GNPDA2: variants seen among roughly 807,000 people sequenced by gnomAD.
GNPDA2 encodes the protein glcN6P deaminase 2.
Under a neutral mutation model 27.0 loss-of-function variants are expected in GNPDA2, and 24 were observed. The observed-to-expected ratio is 0.89, with a 90% CI of 0.64 to 1.25. The LOEUF is 1.25. GNPDA2 is among the 50% of genes most tolerant of loss of function. The pLI is 0.00. For synonymous variants in GNPDA2, 94 were observed against 108.4 expected, an observed-to-expected ratio of 0.87 and a Z score of 0.83; for missense variants, 286 against 335.1, an observed-to-expected ratio of 0.85 and a Z score of 1.14.
chr4:44,710,038 C>T (rs1466736860), intron 5 of GNPDA2, among the ~76,000 whole-genome samples: 1 of 152,248 alleles, frequency 6.6e-6, no homozygotes, highest in African/African-American at 2.4e-5. Flanking sequence ...TTAAAACTTA[C>T]ATCTTGTTAA....
intron 1 of GNPDA2, among the ~76,000 whole-genome samples, chr4:44,725,367 G>T (rs534550631): frequency 1.7e-4 from 26 of 152,286 alleles, no homozygotes; most frequent in African/African-American, 6.3e-4. Context: ...ATGTCTTACC[G>T]GTTGAGAATC....
In GNPDA2 at chr4:44,711,114, C is replaced by T. The variant is rs1161186413; in HGVS notation, c.433G>A (p.Ala145Thr). The T allele has an allele frequency of 6.2e-6, 10 of 1,601,924 alleles. No individual in the cohort carries two copies. Among genetic ancestry groups the T allele is most frequent in the African/African-American group, 2.7e-5 (2 of 74,172 alleles). ...VGGIGPDGHI[A>T]FNEPGSSLVS... is the part of the protein sequence containing the mutation. ...AAACTGGATCCAGGCTCATTGAAAGCGATATGACCATCTGGACCAATTCCT... is the reference window on the plus strand; with the variant it reads ...AAACTGGATCCAGGCTCATTGAAAGTGATATGACCATCTGGACCAATTCCT... Residue 145 changes from alanine (A) to threonine (T), a missense_variant, in exon 5 of 7, where the codon GCT (alanine) becomes ACT (threonine). Physicochemically the swap from Ala to Thr is moderately conservative, Grantham distance 58. Coordinates refer to ENST00000295448, the MANE Select transcript of GNPDA2 (RefSeq NM_138335.3).
chr4:44,711,220 AAT>A (rs200190134), intron 4 of GNPDA2, 83 bp from the exon 5 acceptor site: 2 of 731,710 alleles, frequency 2.7e-6, no homozygotes, highest in African/African-American at 3.7e-5. Flanking sequence ...ACAAAAAAAA[AAT>A]CACCTTGTTT....
chr4:44,702,428 AATAAG>A lies in GNPDA2; in HGVS notation c.*648_*652del, dbSNP rs1326750751. On this transcript the variant is annotated 3_prime_UTR_variant, in exon 7 of 7. Transcript: ENST00000295448. ...ACATGAACCCAAGTCGTTAAATAAA[AATAAG>A]ATATTTGTAAAAAAGTGCTATAGAA... is the stretch of plus-strand genomic sequence containing the variant. 1.8e-5 allele frequency: 18 copies of A among 977,034 alleles called. No homozygotes were observed. Among genetic ancestry groups the A allele is most frequent in the East Asian group, 2.3e-4 (2 of 8,760 alleles). 60.5% of individuals were successfully genotyped at this position (977,034 alleles called of 1,614,324 possible).
chr4:44,720,066 T>C (rs541897389), intron 2 of GNPDA2, among the ~76,000 whole-genome samples: 151 of 152,214 alleles, frequency 9.9e-4, no homozygotes, highest in African/African-American at 3.5e-3. Flanking sequence ...GAAAATGGCA[T>C]TTCAATTCAG....
chr4:44,720,013 A>G (rs1003411877), intron 2 of GNPDA2, among the ~76,000 whole-genome samples: 4 of 152,164 alleles, frequency 2.6e-5, no homozygotes, highest in African/African-American at 9.7e-5. Flanking sequence ...CAGAACATCA[A>G]ATAAAAAAGA....
At chr4:44,706,602 A>G (rs796190989) in intron 6 of GNPDA2, 14 of 151,986 alleles carry the variant, frequency 9.2e-5, no homozygotes, top group African/African-American at 2.9e-4. Context: ...TATATACTTT[A>G]TTTCTGAGTA....
At chr4:44,720,794 T>C (rs892219292) in intron 2 of GNPDA2, among the ~76,000 whole-genome samples, 14 of 152,148 alleles carry the variant, frequency 9.2e-5, no homozygotes, top group African/African-American at 3.1e-4. Context: ...CTAGCAGTTA[T>C]ACTACCCAAA....
rs950071877 is a variant in GNPDA2, at chr4:44,702,556, A to G, written c.*525T>C. On this transcript the variant is annotated 3_prime_UTR_variant, in exon 7 of 7. Coordinates refer to ENST00000295448, the MANE Select transcript of GNPDA2 (RefSeq NM_138335.3). ...TCTCTTCAAATTTCCTTTACCAATG[A>G]TATATAGCACAATTTTTGATGTCTA... is the stretch of plus-strand genomic sequence containing the variant. The G allele has an allele frequency of 5.9e-5, 58 of 987,056 alleles. No individual in the cohort carries two copies. Among genetic ancestry groups the G allele is most frequent in the Non-Finnish European group, 6.9e-5 (57 of 830,950 alleles). 61.1% of individuals were successfully genotyped at this position (987,056 alleles called of 1,614,324 possible). A position where few individuals can be genotyped will look rare whatever the true frequency, so the allele number is the denominator to read the frequency against.
intron 6 of GNPDA2, chr4:44,707,243 T>G (rs778654920): frequency 1.3e-5 from 2 of 153,436 alleles, no homozygotes; most frequent in Non-Finnish European, 2.9e-5. Flanking sequence ...CTTGCAGAGT[T>G]TATTCCATAC....
rs1184814186 is a variant in GNPDA2, at chr4:44,707,931, A to C, written c.595-5T>G. 1 of 1,558,226 alleles carries C rather than the reference A, an allele frequency of 6.4e-7. No homozygotes were observed. The highest frequency in any genetic ancestry group is 2.3e-5 in the East Asian group (1 of 43,802). On this transcript the variant is annotated splice_polypyrimidine_tract_variant and splice_region_variant and intron_variant, in intron 5 of 6. Coordinates refer to ENST00000295448, the MANE Select transcript of GNPDA2 (RefSeq NM_138335.3). The stretch of plus-strand genomic sequence containing the variant: ...CCCTGTTATAAGGATCATTACCTGA[A>C]AAATTATGAACATCAATTGTTAAAA...
At chr4:44,704,358 C>CA (rs1716457045) in intron 6 of GNPDA2, 8 of 950,412 alleles carry the variant, frequency 8.4e-6, no homozygotes, top group Non-Finnish European at 1.0e-5. Flanking sequence ...TGTAGAGGAT[C>CA]GTTTTTCTAC....
Position 44,702,782 on chromosome 4 carries a change from T to G in GNPDA2, c.*299A>C, listed in dbSNP as rs890885891. On this transcript the variant is annotated 3_prime_UTR_variant, in exon 7 of 7. Coordinates refer to ENST00000295448, the MANE Select transcript of GNPDA2 (RefSeq NM_138335.3). ...CACAAATGGTGCCTGATGTGGACAC[T>G]CTACCTTTAAAATGACTTTTTAAAC... 39 of 1,205,984 alleles carry G rather than the reference T, an allele frequency of 3.2e-5. No individual in the cohort carries two copies. The highest frequency in any genetic ancestry group is 4.0e-5 in the Non-Finnish European group (39 of 969,924). 74.7% of individuals were successfully genotyped at this position (1,205,984 alleles called of 1,614,324 possible).
chr4:44,713,694 A>G (rs992630154), intron 4 of GNPDA2, among the ~76,000 whole-genome samples: 1 of 152,146 alleles, frequency 6.6e-6, no homozygotes, highest in Admixed American at 6.5e-5. Flanking sequence ...AGCCTGGCCA[A>G]TGTGGCAAAA....
intron 4 of GNPDA2, 122 bp downstream of exon 4, chr4:44,716,991 C>T (rs1873523): frequency 0.58 from 333,978 of 578,814 alleles, 99,702 homozygotes; most frequent in Non-Finnish European, 0.64. Context: ...GCAGAATAAA[C>T]GCGTATTACG....
chr4:44,720,591 T>C (rs1470156787), intron 2 of GNPDA2, among the ~76,000 whole-genome samples: 1 of 152,222 alleles, frequency 6.6e-6, no homozygotes, highest in Non-Finnish European at 1.5e-5. Flanking sequence ...ATTGAACAGA[T>C]ATTGCCCAGA....
intron 1 of GNPDA2, among the ~76,000 whole-genome samples, chr4:44,722,731 G>A (rs1379748221): frequency 6.6e-6 from 1 of 152,100 alleles, no homozygotes; most frequent in Non-Finnish European, 1.5e-5. Flanking sequence ...ACAATATGAG[G>A]GACTTAAGCA....
intron 1 of GNPDA2, among the ~76,000 whole-genome samples, chr4:44,723,490 TGTG>T (rs1291458281): frequency 2.6e-5 from 4 of 152,176 alleles, no homozygotes; most frequent in African/African-American, 4.8e-5. Context: ...AGTGAGAACA[TGTG>T]GTATTTTTCT....
chr4:44,704,016 T>G, intron 6 of GNPDA2: 1 of 985,110 alleles, frequency 1.0e-6, no homozygotes, highest in Non-Finnish European at 1.2e-6. Flanking sequence ...ATTACTGGAT[T>G]GGAGAGATAG....
Sources: allele counts gnomAD v4.1 joint callset (sites outside exome capture counted in the v4.1 genomes callset), GRCh38; gene constraint gnomAD v4.1.1; transcripts MANE v1.5; gene names NCBI Gene and HGNC (gene_info 2026-07-23, HGNC 2026-07-21).